The following ZDHHC3 variants were observed in gnomAD, a reference collection of about 807,000 sequenced individuals.
ZDHHC3 encodes zDHHC palmitoyltransferase 3.
A neutral mutation model predicts 30.6 loss-of-function variants in ZDHHC3; 9 were observed. The ratio of observed to expected loss-of-function variants is 0.29; its 90% CI spans 0.18 to 0.51. ZDHHC3 has a LOEUF of 0.51. ZDHHC3 is among the 20% of genes least tolerant of loss of function. The pLI, the probability that ZDHHC3 is intolerant of heterozygous loss-of-function variation, is 0.97. For synonymous variants in ZDHHC3, 136 were observed against 140.2 expected, an observed-to-expected ratio of 0.97 and a Z score of 0.21; for missense variants, 246 against 384.2, an observed-to-expected ratio of 0.64 and a Z score of 3.01.
chr3:44,933,769 G>C lies in ZDHHC3; in HGVS notation c.528+119C>G. Reference sequence around the variant, plus strand: ...GAGAGATCTTTGGCAGGAAGGCAGAGATCTACAGGGCCAGGCAGTATTCTG... The same window carrying C: ...GAGAGATCTTTGGCAGGAAGGCAGACATCTACAGGGCCAGGCAGTATTCTG... On this transcript the variant is annotated intron_variant, in intron 4 of 6. Coordinates refer to ENST00000424952, the MANE Select transcript of ZDHHC3 (RefSeq NM_001135179.2). 5.5e-6 allele frequency: 5 copies of C among 910,000 alleles called. No individual in the cohort carries two copies. The South Asian group carries it at 7.2e-5, about 13-fold the overall frequency. The allele number at this position is 910,000 out of a possible 1,614,324, so 56.4% of individuals were successfully genotyped here.
intron 1 of ZDHHC3, among the ~76,000 whole-genome samples, chr3:44,966,613 GT>G (rs1438228110): frequency 1.3e-5 from 2 of 152,162 alleles, no homozygotes; most frequent in Non-Finnish European, 2.9e-5. Context: ...TAGTCTTAAA[GT>G]ATTCACAAGC....
rs1280185563 is a variant in ZDHHC3 at position 44,925,780 on chromosome 3, G to C, written c.*909C>G. The C allele has an allele frequency of 5.1e-6, 5 of 985,874 alleles. No homozygotes were observed. The highest frequency in any genetic ancestry group is 2.3e-4 in the East Asian group (2 of 8,822). The allele number at this position is 985,874 out of a possible 1,614,324, so 61.1% of individuals were successfully genotyped here. ...ATGAGAAGGGGATGATGGTGGGGCT[G>C]TATGTGTTGGGCACTGGTGCCTATT... On this transcript the variant is annotated 3_prime_UTR_variant, in exon 7 of 7. Coordinates refer to ENST00000424952, the MANE Select transcript of ZDHHC3 (RefSeq NM_001135179.2).
At chr3:44,936,475 G>A (rs146005069) in intron 3 of ZDHHC3, among the ~76,000 whole-genome samples, 7 of 152,298 alleles carry the variant, frequency 4.6e-5, no homozygotes, top group African/African-American at 1.7e-4. Context: ...AAAGCAGAAC[G>A]ACCATTCAAC....
In ZDHHC3 at chr3:44,924,774, G is replaced by T; in HGVS notation, c.*1915C>A. 6 of 985,434 alleles carry T rather than the reference G, an allele frequency of 6.1e-6. No individual in the cohort carries two copies. The highest frequency in any genetic ancestry group is 6.0e-6 in the Non-Finnish European group (5 of 829,928). 61.0% of individuals were successfully genotyped at this position (985,434 alleles called of 1,614,324 possible). A position where few individuals can be genotyped will look rare whatever the true frequency, so the allele number is the denominator to read the frequency against. On this transcript the variant is annotated 3_prime_UTR_variant, in exon 7 of 7. Transcript: ENST00000424952. ...TACACCTAACTGAGCTGTATGTTATGAAAAAATTTTAAAAAAGCATATGGA... is the reference window on the plus strand; with the variant it reads ...TACACCTAACTGAGCTGTATGTTATTAAAAAATTTTAAAAAAGCATATGGA...
At position 44,959,168 on chromosome 3, in the gene ZDHHC3, G is replaced by A. The variant is rs1275836139; in HGVS notation, c.269C>T (p.Ala90Val). Reference protein sequence around the residue: ...GIVFNLLAFLALASHCRAMLT... With the variant: ...GIVFNLLAFLVLASHCRAMLT... The stretch of plus-strand genomic sequence containing the variant: ...CATGGCCCGGCAGTGGGAGGCCAGG[G>A]CCAAGAAGGCCAGCAGGTTGAACAC... The change falls in exon 2 of 7, where the codon GCC (alanine) becomes GTC (valine). Residue 90 changes from alanine (A) to valine (V), a missense_variant. By Grantham distance (64) the Ala-to-Val change is moderately conservative. Coordinates refer to ENST00000424952, the MANE Select transcript of ZDHHC3 (RefSeq NM_001135179.2). The surrounding 1 kb of genome is among the most constrained non-coding windows in gnomAD (Gnocchi z 4.3). 6.2e-7 allele frequency: 1 copy of A among 1,614,240 alleles called. No individual in the cohort carries two copies. The highest frequency in any genetic ancestry group is 1.7e-5 in the Admixed American group (1 of 60,034).
In ZDHHC3 at chr3:44,919,051, T is replaced by C; in HGVS notation, c.*7638A>G. 2 of 985,434 alleles carry C rather than the reference T, an allele frequency of 2.0e-6. No homozygotes were observed. The highest frequency in any genetic ancestry group is 4.7e-5 in the South Asian group (1 of 21,286). 61.0% of individuals were successfully genotyped at this position (985,434 alleles called of 1,614,324 possible). On this transcript the variant is annotated 3_prime_UTR_variant, in exon 7 of 7. Coordinates refer to ENST00000424952, the MANE Select transcript of ZDHHC3 (RefSeq NM_001135179.2). ...AGAAAGATCTCTGTGTATCTAGCACTTTTTCTTCCCACGCCATTTCAGAGA... is the reference window on the plus strand; with the variant it reads ...AGAAAGATCTCTGTGTATCTAGCACCTTTTCTTCCCACGCCATTTCAGAGA...
At chr3:44,972,915 C>A (rs112169906) in intron 1 of ZDHHC3, among the ~76,000 whole-genome samples, 2 of 152,176 alleles carry the variant, frequency 1.3e-5, no homozygotes, top group Non-Finnish European at 2.9e-5. Context: ...TCTGGGTCTC[C>A]ATGCATGCTA....
chr3:44,967,157 G>A (rs926395106), intron 1 of ZDHHC3, among the ~76,000 whole-genome samples: 3 of 152,118 alleles, frequency 2.0e-5, no homozygotes, highest in African/African-American at 7.2e-5. Context: ...AGTTCATTGA[G>A]GAAACCAGGA....
intron 3 of ZDHHC3, among the ~76,000 whole-genome samples, chr3:44,937,018 T>C (rs1194293935): frequency 6.6e-6 from 1 of 152,014 alleles, no homozygotes; most frequent in East Asian, 1.9e-4. Flanking sequence ...TCATTGACAA[T>C]TTTTTTTCAA....
At chr3:44,946,568 T>C (rs1702954734) in intron 2 of ZDHHC3, among the ~76,000 whole-genome samples, 1 of 152,036 alleles carries the variant, frequency 6.6e-6, no homozygotes. Flanking sequence ...AAGGTATTTG[T>C]GTTGAGGGAG....
At position 44,925,918 on chromosome 3, in the gene ZDHHC3, G is replaced by A. The variant is rs1380223926; in HGVS notation, c.*771C>T. On this transcript the variant is annotated 3_prime_UTR_variant, in exon 7 of 7. Transcript: ENST00000424952. ...GAAAACGTAGCTTGCCTGAAATTGT[G>A]TAATTTTTTTTCCTCTTGATTGTAT... 1.0e-6 allele frequency: 1 copy of A among 985,702 alleles called. No homozygotes were observed. Among genetic ancestry groups the A allele is most frequent in the Non-Finnish European group, 1.2e-6 (1 of 829,932 alleles). 61.1% of individuals were successfully genotyped at this position (985,702 alleles called of 1,614,324 possible).
chr3:44,930,680 G>A (rs1575791175), intron 5 of ZDHHC3, among the ~76,000 whole-genome samples: 1 of 152,240 alleles, frequency 6.6e-6, no homozygotes, highest in Non-Finnish European at 1.5e-5. Flanking sequence ...CACCATGTGG[G>A]TGACAGGTAA....
chr3:44,949,003 A>G (rs1703201552), intron 2 of ZDHHC3, among the ~76,000 whole-genome samples: 2 of 152,166 alleles, frequency 1.3e-5, no homozygotes, highest in Admixed American at 1.3e-4. Flanking sequence ...ATGCAAGCGC[A>G]CCTCAGTGCT....
In ZDHHC3 at chr3:44,945,534, CTT is replaced by C. The variant is rs763572716; in HGVS notation, c.307-244_307-243del. On this transcript the variant is annotated intron_variant, in intron 2 of 6. Transcript: ENST00000424952. ...TTAATTCTTTGATTTCTTTTCTTTT[CTT>C]TGTTTTTTTGTTTTGTTTTGTTTTT... is the stretch of plus-strand genomic sequence containing the variant. Among the ~76,000 whole-genome samples, 3 of 151,968 alleles carry C rather than the reference CTT, an allele frequency of 2.0e-5. No homozygotes were observed. In the South Asian group the frequency reaches 6.2e-4, roughly 32 times the overall value.
intron 1 of ZDHHC3, among the ~76,000 whole-genome samples, chr3:44,965,648 C>T (rs1006541287): frequency 1.3e-5 from 2 of 152,182 alleles, no homozygotes; most frequent in African/African-American, 4.8e-5. Flanking sequence ...GACCCACAGT[C>T]CATGCTTTAT....
chr3:44,974,714 G>A (rs569931077), intron 1 of ZDHHC3, among the ~76,000 whole-genome samples: 3 of 152,302 alleles, frequency 2.0e-5, no homozygotes, highest in Admixed American at 1.3e-4. Context: ...GGAGAATTAC[G>A]TAGAGACATA....
rs770047912 is a variant in ZDHHC3, at chr3:44,920,196, A to T, written c.*6493T>A. On this transcript the variant is annotated 3_prime_UTR_variant, in exon 7 of 7. Transcript: ENST00000424952. Reference sequence around the variant, plus strand: ...TTGACACAAGTCTAAAGGGACCTTCATGTGGGTCATGAGCATGTGATGCCA... The same window carrying T: ...TTGACACAAGTCTAAAGGGACCTTCTTGTGGGTCATGAGCATGTGATGCCA... The T allele has an allele frequency of 7.8e-7, 1 of 1,289,422 alleles. No homozygotes were observed. The highest frequency in any genetic ancestry group is 1.2e-5 in the South Asian group (1 of 81,008). 79.9% of individuals were successfully genotyped at this position (1,289,422 alleles called of 1,614,324 possible). A position where few individuals can be genotyped will look rare whatever the true frequency, so the allele number is the denominator to read the frequency against.
At position 44,920,883 on chromosome 3, in the gene ZDHHC3, G is replaced by T; in HGVS notation, c.*5806C>A. 6 of 985,442 alleles carry T rather than the reference G, an allele frequency of 6.1e-6. No individual in the cohort carries two copies. The highest frequency in any genetic ancestry group is 7.2e-6 in the Non-Finnish European group (6 of 829,934). 61.0% of individuals were successfully genotyped at this position (985,442 alleles called of 1,614,324 possible). ...ACTTTCAGGGAGTGTTGACTTTTGA[G>T]TCTAGAAAGAAAATATTGCAAACAA... On this transcript the variant is annotated 3_prime_UTR_variant, in exon 7 of 7. Transcript: ENST00000424952.
Position 44,959,286 on chromosome 3 carries a change from T to C in ZDHHC3, c.151A>G (p.Thr51Ala), listed in dbSNP as rs1211977019. Residue 51 changes from threonine (T) to alanine (A), a missense_variant, in exon 2 of 7, where the codon ACC becomes GCC. Thr to Ala is a moderately conservative substitution (Grantham distance 58, BLOSUM62 0). Coordinates refer to ENST00000424952, the MANE Select transcript of ZDHHC3 (RefSeq NM_001135179.2). This position sits in a 1 kb window ranked among gnomAD's most constrained non-coding sequence, Gnocchi z 4.3. Reference sequence around the variant, plus strand: ...TCCGCATAGAGGACCAGAAACCAGGTAACGATGGCACAGGCGATGCCACAG... The same window carrying C: ...TCCGCATAGAGGACCAGAAACCAGGCAACGATGGCACAGGCGATGCCACAG... ...DGCGIACAIV[T>A]WFLVLYAEFV... is the part of the protein sequence containing the mutation. The C allele has an allele frequency of 3.1e-6, 5 of 1,614,090 alleles. No homozygotes were observed. The highest frequency in any genetic ancestry group is 4.2e-6 in the Non-Finnish European group (5 of 1,180,010).
Sources: allele counts gnomAD v4.1 joint callset (sites outside exome capture counted in the v4.1 genomes callset), GRCh38; gene constraint gnomAD v4.1.1; non-coding constraint Gnocchi (gnomAD v3.1); transcripts MANE v1.5; gene names NCBI Gene and HGNC (gene_info 2026-07-23, HGNC 2026-07-21).